The following DRC1 variants were observed in gnomAD, a reference collection of about 807,000 sequenced individuals.
The protein encoded by DRC1 is dynein regulatory complex subunit 1.
In DRC1, 74 loss-of-function variants were observed where a neutral mutation model predicts 98.7. That is an observed-to-expected ratio of 0.75 (90% confidence interval 0.62 to 0.91). The LOEUF is 0.91. Among genes scored for constraint, DRC1 ranks in the 40% least tolerant of loss-of-function variants. The pLI is 0.00. For synonymous variants in DRC1, 336 were observed against 334.1 expected (o/e 1.01, Z -0.06); for missense variants, 875 against 886.0 (o/e 0.99, Z 0.16).
chr2:26,424,152 G>C (rs1005988202), intron 3 of DRC1, 119 bp from the exon 4 acceptor site: 1 of 1,206,770 alleles, frequency 8.3e-7, no homozygotes, highest in Non-Finnish European at 1.2e-6. Context: ...GGGCGGGTGT[G>C]TTTGGGCAGT....
chr2:26,418,107 A>T (rs1678872557), intron 2 of DRC1, among the ~76,000 whole-genome samples: 1 of 152,024 alleles, frequency 6.6e-6, no homozygotes, highest in Non-Finnish European at 1.5e-5. Context: ...CCCCTCAAGT[A>T]GACTTGTCCC....
Position 26,444,948 on chromosome 2 carries a change from G to T in DRC1, c.1396G>T (p.Glu466Ter). ...QIVEEMLMRSEEEEAEEAAAE... is the reference protein window; with the variant it reads ...QIVEEMLMRS ...AGTAGAAGAAATGCTTATGCGCTCA[G>T]GTGACTAGAACACTGTCATAGAGCC... The change falls in exon 10 of 17, where the codon GAA becomes TAA. Residue 466 changes from glutamate (E) to a stop codon, truncating the protein, a stop_gained and splice_region_variant. Transcript: ENST00000288710. LOFTEE classifies it high-confidence loss of function. The T allele has an allele frequency of 8.1e-6, 13 of 1,613,862 alleles. No homozygotes were observed. The highest frequency in any genetic ancestry group is 1.1e-5 in the Non-Finnish European group (13 of 1,179,934).
intron 10 of DRC1, among the ~76,000 whole-genome samples, chr2:26,446,889 C>T (rs1033693093): frequency 4.0e-4 from 60 of 151,340 alleles, no homozygotes; most frequent in African/African-American, 1.4e-3. Flanking sequence ...GTCAGGAATT[C>T]GAGACCAGCC....
chr2:26,455,104 G>T (rs1032296392), intron 15 of DRC1, 27 bp from the exon 16 acceptor site: 1 of 1,612,620 alleles, frequency 6.2e-7, no homozygotes, highest in Non-Finnish European at 8.5e-7. Context: ...GATTCAGTGA[G>T]CCTCTAACCG....
intron 4 of DRC1, among the ~76,000 whole-genome samples, chr2:26,426,020 C>T (rs1302270668): frequency 6.6e-6 from 1 of 152,058 alleles, no homozygotes; most frequent in Admixed American, 6.5e-5. Flanking sequence ...ATATTTTCTT[C>T]TAGGAGTTTA....
intron 1 of DRC1, among the ~76,000 whole-genome samples, chr2:26,409,441 T>A (rs1285062457): frequency 2.6e-5 from 4 of 152,198 alleles, no homozygotes; most frequent in Non-Finnish European, 5.9e-5. Context: ...CCATCCTTTA[T>A]GTAGTTTTTT....
chr2:26,450,135 G>A (rs1663965507), intron 12 of DRC1, 50 bp downstream of exon 12: 2 of 1,549,364 alleles, frequency 1.3e-6, no homozygotes, highest in African/African-American at 1.4e-5. Flanking sequence ...AGCCGGCCGT[G>A]TTCTCAGATG....
At chr2:26,445,599 A>T (rs959965645) in intron 10 of DRC1, among the ~76,000 whole-genome samples, 1 of 152,192 alleles carries the variant, frequency 6.6e-6, no homozygotes, top group Non-Finnish European at 1.5e-5. Flanking sequence ...ATCTTTGGCT[A>T]GTGGAAATCT....
chr2:26,425,659 C>T lies in DRC1; in HGVS notation c.540+1205C>T, dbSNP rs192578600. The stretch of plus-strand genomic sequence containing the variant: ...TCATTATGGTTTGGATTTGCATTTC[C>T]GTAACGATTAGAGATGTTGTGCATG... On this transcript the variant is annotated intron_variant, in intron 4 of 16. Transcript: ENST00000288710. 1.5e-4 allele frequency among the ~76,000 whole-genome samples: 23 copies of T among 152,208 alleles called. No individual in the cohort carries two copies. In the East Asian group the frequency reaches 3.3e-3, roughly 22 times the overall value.
chr2:26,427,187 G>A (rs954312041), intron 4 of DRC1, among the ~76,000 whole-genome samples: 7 of 152,014 alleles, frequency 4.6e-5, no homozygotes, highest in Admixed American at 1.3e-4. Context: ...ACTGATCTTG[G>A]CTCACTGCAA....
intron 2 of DRC1, among the ~76,000 whole-genome samples, chr2:26,417,258 G>T (rs1678838652): frequency 6.6e-6 from 1 of 151,724 alleles, no homozygotes; most frequent in African/African-American, 2.4e-5. Flanking sequence ...CTTTATGACA[G>T]TTCTTGATGT....
At chr2:26,408,300 C>T (rs62128677) in intron 1 of DRC1, among the ~76,000 whole-genome samples, 55,217 of 151,928 alleles carry the variant, frequency 0.36, 12,242 homozygotes, top group Non-Finnish European at 0.51. Context: ...AGAGGCGAGG[C>T]AAGGATACTT....
At chr2:26,415,183 G>C (rs1272333565) in intron 2 of DRC1, among the ~76,000 whole-genome samples, 2 of 152,134 alleles carry the variant, frequency 1.3e-5, no homozygotes, top group African/African-American at 4.8e-5. Context: ...TACCCTCCAT[G>C]GCGATGAAAC....
chr2:26,421,856 G>A (rs960237633), intron 3 of DRC1, among the ~76,000 whole-genome samples: 2 of 152,030 alleles, frequency 1.3e-5, no homozygotes, highest in African/African-American at 2.4e-5. Context: ...CACCGCGCCC[G>A]GCTATCTCAT....
chr2:26,425,912 G>T (rs1663272354), intron 4 of DRC1, among the ~76,000 whole-genome samples: 1 of 151,766 alleles, frequency 6.6e-6, no homozygotes, highest in Admixed American at 6.6e-5. Context: ...TGAGTTTGGT[G>T]CAGCCCCGTT....
intron 4 of DRC1, among the ~76,000 whole-genome samples, chr2:26,429,181 AGAT>A (rs765278983): frequency 0.14 from 3,803 of 26,318 alleles, 151 homozygotes; most frequent in African/African-American, 0.25. Context: ...CTCTTTGTAC[AGAT>A]GATTATTATT....
In DRC1 at chr2:26,408,722, G is replaced by A. The variant is rs530615830; in HGVS notation, c.156-5622G>A. 9.9e-5 allele frequency among the ~76,000 whole-genome samples: 15 copies of A among 152,224 alleles called. No individual in the cohort carries two copies. The South Asian group carries it at 3.1e-3, about 32-fold the overall frequency. On this transcript the variant is annotated intron_variant, in intron 1 of 16. Coordinates refer to ENST00000288710, the MANE Select transcript of DRC1 (RefSeq NM_145038.5). Reference sequence around the variant, plus strand: ...GGAGGCGGAGGTTGCAGTGAGCCGAGATCGTGCCACTACACTCCAGCCTGG... The same window carrying A: ...GGAGGCGGAGGTTGCAGTGAGCCGAAATCGTGCCACTACACTCCAGCCTGG...
chr2:26,450,215 C>T, intron 12 of DRC1, 130 bp downstream of exon 12: 1 of 818,930 alleles, frequency 1.2e-6, no homozygotes, highest in Non-Finnish European at 2.0e-6. Context: ...CCTGTCACAT[C>T]CTTCCCTTAA....
chr2:26,447,284 G>A (rs994852156), intron 10 of DRC1, among the ~76,000 whole-genome samples: 6 of 151,144 alleles, frequency 4.0e-5, no homozygotes, highest in African/African-American at 1.5e-4. Context: ...ATGGTGGCGC[G>A]CGGCTGTAAT....
Sources: gnomAD v4.1 joint callset for allele counts (sites outside exome capture counted in the v4.1 genomes callset) on GRCh38, gnomAD v4.1.1 for gene constraint, MANE v1.5 for transcripts, NCBI Gene and HGNC (gene_info 2026-07-23, HGNC 2026-07-21) for gene names.